TIGAR: variants seen among roughly 807,000 people sequenced by gnomAD.
The protein encoded by TIGAR is fructose-2,6-bisphosphatase TIGAR.
A neutral mutation model predicts 17.9 loss-of-function variants in TIGAR; 7 were observed. That is an observed-to-expected ratio of 0.39 (90% confidence interval 0.22 to 0.73). The LOEUF (loss-of-function observed/expected upper bound fraction) is 0.73. Among genes scored for constraint, TIGAR ranks in the 30% least tolerant of loss-of-function variants. TIGAR has a pLI of 0.42. For synonymous variants in TIGAR, 94 were observed against 108.6 expected (o/e 0.87, Z 0.84); for missense variants, 258 against 327.4 (o/e 0.79, Z 1.64).
intron 1 of TIGAR, among the ~76,000 whole-genome samples, chr12:4,328,039 A>C (rs1323174036): frequency 6.6e-6 from 1 of 152,216 alleles, no homozygotes; most frequent in Non-Finnish European, 1.5e-5. Context: ...TGAGACAGGA[A>C]GTGAATCCAA....
chr12:4,324,761 G>A (rs2120642549), intron 1 of TIGAR: 1 of 692,610 alleles, frequency 1.4e-6, no homozygotes, highest in African/African-American at 1.8e-5. Flanking sequence ...AGTCTGTGCC[G>A]CGGTAGGTGA....
intron 1 of TIGAR, among the ~76,000 whole-genome samples, chr12:4,329,313 A>G (rs1330672623): frequency 2.1e-5 from 3 of 146,218 alleles, no homozygotes; most frequent in Admixed American, 1.4e-4. Flanking sequence ...TAGAAATAAT[A>G]CTGTAGCTAA....
intron 3 of TIGAR, among the ~76,000 whole-genome samples, chr12:4,338,204 A>G (rs1339161722): frequency 6.6e-6 from 1 of 152,228 alleles, no homozygotes; most frequent in African/African-American, 2.4e-5. Context: ...TTTTGTGACC[A>G]ACTGTGAGTG....
chr12:4,345,830 G>A (rs939061906), intron 3 of TIGAR, among the ~76,000 whole-genome samples: 16 of 152,138 alleles, frequency 1.1e-4, no homozygotes, highest in African/African-American at 3.4e-4. Flanking sequence ...GCAACCTACA[G>A]AATGGGAGAA....
chr12:4,355,591 T>C lies in TIGAR; in HGVS notation c.*2900T>C, dbSNP rs771818645. On this transcript the variant is annotated 3_prime_UTR_variant, in exon 6 of 6. Coordinates refer to ENST00000179259, the MANE Select transcript of TIGAR (RefSeq NM_020375.3). ...TGCATCTCTTCATCTATTCAATACGTATTTTTTGAGCATGGCACACACATG... is the reference window on the plus strand; with the variant it reads ...TGCATCTCTTCATCTATTCAATACGCATTTTTTGAGCATGGCACACACATG... Among the ~76,000 whole-genome samples the C allele has an allele frequency of 6.6e-6, 1 of 152,258 alleles. No homozygotes were observed. The highest frequency in any genetic ancestry group is 2.4e-5 in the African/African-American group (1 of 41,464).
chr12:4,336,472 A>T lies in TIGAR; in HGVS notation c.71-567A>T, dbSNP rs1243365444. 4.6e-5 allele frequency among the ~76,000 whole-genome samples: 7 copies of T among 150,888 alleles called. No individual in the cohort carries two copies. The South Asian group carries it at 1.5e-3, about 32-fold the overall frequency. ...CACACACACACACACACACACACAC[A>T]CACACACACACACACACACACACTC... On this transcript the variant is annotated intron_variant, in intron 2 of 5. Coordinates refer to ENST00000179259, the MANE Select transcript of TIGAR (RefSeq NM_020375.3).
chr12:4,355,544 T>G lies in TIGAR; in HGVS notation c.*2853T>G, dbSNP rs181613893. ...TGGTCAATTTCCAGAAAAATTCTGT[T>G]ACAAATTTTATTGGAGTCACATGCA... On this transcript the variant is annotated 3_prime_UTR_variant, in exon 6 of 6. Coordinates refer to ENST00000179259, the MANE Select transcript of TIGAR (RefSeq NM_020375.3). Among the ~76,000 whole-genome samples, 7 of 152,364 alleles carry G rather than the reference T, an allele frequency of 4.6e-5. No homozygotes were observed. The highest frequency in any genetic ancestry group is 8.8e-5 in the Non-Finnish European group (6 of 68,032).
At chr12:4,351,503 C>G in intron 5 of TIGAR, 126 bp downstream of exon 5, 1 of 691,136 alleles carries the variant, frequency 1.4e-6, no homozygotes. Context: ...TATCTATTTA[C>G]TTAGCAAATT....
intron 3 of TIGAR, among the ~76,000 whole-genome samples, chr12:4,348,833 A>G (rs1403667684): frequency 1.3e-5 from 2 of 152,228 alleles, no homozygotes; most frequent in African/African-American, 4.8e-5. Context: ...TAGACTTACA[A>G]TGAGAGAAGG....
At position 4,321,474 on chromosome 12, in the gene TIGAR, G is replaced by A. The variant is rs530413877; in HGVS notation, c.32+171G>A. Among the ~76,000 whole-genome samples the A allele has an allele frequency of 6.6e-6, 1 of 152,254 alleles. No homozygotes were observed. The highest frequency in any genetic ancestry group is 1.5e-5 in the Non-Finnish European group (1 of 68,002). ...GCTTGCCCTGGGGCCGTCCCGTGTC[G>A]CCCCTCCTCTCACCCCAGCAGCCCC... On this transcript the variant is annotated intron_variant, in intron 1 of 5. Transcript: ENST00000179259. The surrounding 1 kb of genome is among the most constrained non-coding windows in gnomAD (Gnocchi z 5.2).
Position 4,355,993 on chromosome 12 carries a change from C to CT in TIGAR, c.*3303dup, listed in dbSNP as rs1323304862. ...GGGAGAAGAGGACAGGCCACATGGC[C>CT]TGGTGGCCTGTGCTGAGGCCTTGGG... is the stretch of plus-strand genomic sequence containing the variant. On this transcript the variant is annotated 3_prime_UTR_variant, in exon 6 of 6. Coordinates refer to ENST00000179259, the MANE Select transcript of TIGAR (RefSeq NM_020375.3). Among the ~76,000 whole-genome samples, 1 of 152,178 alleles carries CT rather than the reference C, an allele frequency of 6.6e-6. No homozygotes were observed. The highest frequency in any genetic ancestry group is 1.5e-5 in the Non-Finnish European group (1 of 68,026).
At position 4,352,687 on chromosome 12, in the gene TIGAR, G is replaced by T. The variant is rs554356210; in HGVS notation, c.809G>T (p.Arg270Leu). 1.9e-6 allele frequency: 3 copies of T among 1,598,880 alleles called. No homozygotes were observed. The Admixed American group carries it at 5.0e-5, about 27-fold the overall frequency. The part of the protein sequence containing the change: ...QDHLNGLTET[R>L] Reference sequence around the variant, plus strand: ...CATCTAAATGGACTGACTGAAACTCGCTAAGGTTAAATCTGCATCAAAATC... The same window carrying T: ...CATCTAAATGGACTGACTGAAACTCTCTAAGGTTAAATCTGCATCAAAATC... Residue 270 changes from arginine (R) to leucine (L), a missense_variant, in exon 6 of 6, where the codon CGC becomes CTC. Coordinates refer to ENST00000179259, the MANE Select transcript of TIGAR (RefSeq NM_020375.3).
At chr12:4,343,142 A>G (rs1244501134) in intron 3 of TIGAR, among the ~76,000 whole-genome samples, 2 of 152,166 alleles carry the variant, frequency 1.3e-5, no homozygotes, top group East Asian at 3.8e-4. Context: ...GACAAAGGCC[A>G]TTACATAATG....
At chr12:4,327,877 A>T (rs1012409094) in intron 1 of TIGAR, among the ~76,000 whole-genome samples, 3 of 152,096 alleles carry the variant, frequency 2.0e-5, no homozygotes, top group Middle Eastern at 3.2e-3. Context: ...CATATTGGCC[A>T]GGCTGGTCTC....
intron 2 of TIGAR, 75 bp downstream of exon 2, chr12:4,331,392 G>A: frequency 7.0e-7 from 1 of 1,426,832 alleles, no homozygotes; most frequent in Non-Finnish European, 9.9e-7. Flanking sequence ...AGATTTGGTG[G>A]GGTGGGGTAG....
intron 3 of TIGAR, among the ~76,000 whole-genome samples, chr12:4,338,597 A>G (rs1864685149): frequency 6.6e-6 from 1 of 152,218 alleles, no homozygotes; most frequent in Non-Finnish European, 1.5e-5. Context: ...ATGATAATGG[A>G]AACACAATAT....
intron 1 of TIGAR, among the ~76,000 whole-genome samples, chr12:4,327,099 A>G (rs1864553583): frequency 6.6e-6 from 1 of 152,190 alleles, no homozygotes; most frequent in Admixed American, 6.5e-5. Context: ...GGCAGGCAGT[A>G]TTTATAGACA....
At position 4,352,529 on chromosome 12, in the gene TIGAR, A is replaced by G. The variant is rs75781974; in HGVS notation, c.651A>G (p.Leu217=). ...DYFLTDLKCS[L]PATLSRSELM... is the part of the protein sequence containing the mutation. ...TTCTGACTGACCTTAAGTGTTCCTT[A>G]CCAGCCACTCTGAGCAGATCTGAAC... Residue 217 remains leucine (L), a synonymous_variant, in exon 6 of 6, where the codon TTA becomes TTG. Transcript: ENST00000179259. The G allele has an allele frequency of 1.3e-6, 2 of 1,597,118 alleles. No homozygotes were observed. The highest frequency in any genetic ancestry group is 1.7e-6 in the Non-Finnish European group (2 of 1,172,230).
At chr12:4,351,215 T>C in intron 4 of TIGAR, 52 bp from the exon 5 acceptor site, 1 of 1,535,698 alleles carries the variant, frequency 6.5e-7, no homozygotes, top group South Asian at 1.1e-5. Context: ...ATAAACTTAA[T>C]TGTTATATTG....
Sources: allele counts gnomAD v4.1 joint callset (sites outside exome capture counted in the v4.1 genomes callset), GRCh38; gene constraint gnomAD v4.1.1; non-coding constraint Gnocchi (gnomAD v3.1); transcripts MANE v1.5; gene names NCBI Gene and HGNC (gene_info 2026-07-23, HGNC 2026-07-21).